SGCZ: variants seen among roughly 807,000 people sequenced by gnomAD.
SGCZ encodes zeta-sarcoglycan.
SGCZ carries 40 observed loss-of-function variants against 41.3 expected under a neutral mutation model. The observed-to-expected ratio is 0.97, with a 90% CI of 0.75 to 1.26. The LOEUF (loss-of-function observed/expected upper bound fraction) is 1.26. Among genes scored for constraint, SGCZ ranks in the 50% most tolerant of loss-of-function variants. SGCZ has a pLI of 0.00. For synonymous variants in SGCZ, 206 were observed against 137.5 expected (o/e 1.50, Z -3.49); for missense variants, 552 against 369.8 (o/e 1.49, Z -4.04).
intron 7 of SGCZ, among the ~76,000 whole-genome samples, chr8:14,101,777 A>T (rs1270605037): frequency 2.9e-5 from 4 of 137,744 alleles, no homozygotes; most frequent in Non-Finnish European, 3.1e-5. Context: ...AACAAGAATT[A>T]AAAAAAAAAA....
At chr8:14,646,813 A>G (rs570064700) in intron 1 of SGCZ, among the ~76,000 whole-genome samples, 1 of 151,932 alleles carries the variant, frequency 6.6e-6, no homozygotes, top group South Asian at 2.1e-4. Context: ...TTTTTTTGGC[A>G]CCAATAATAC....
intron 2 of SGCZ, among the ~76,000 whole-genome samples, chr8:14,511,989 A>C (rs62498392): frequency 0.062 from 9,432 of 152,114 alleles, 402 homozygotes; most frequent in African/African-American, 0.12. Context: ...AGGATAAACA[A>C]AGCTATAAAA....
intron 2 of SGCZ, among the ~76,000 whole-genome samples, chr8:14,407,973 C>T (rs60904374): frequency 0.13 from 20,338 of 151,854 alleles, 2,949 homozygotes; most frequent in African/African-American, 0.36. Context: ...ATATATCATA[C>T]GGAGAGATAG....
chr8:15,109,772 CATT>C (rs918933510), intron 1 of SGCZ, among the ~76,000 whole-genome samples: 1 of 151,926 alleles, frequency 6.6e-6, no homozygotes, highest in African/African-American at 2.4e-5. Context: ...ACATGTTAGC[CATT>C]ATTATTATTG....
chr8:15,105,373 G>A (rs758211651), intron 1 of SGCZ, among the ~76,000 whole-genome samples: 1 of 152,192 alleles, frequency 6.6e-6, no homozygotes, highest in African/African-American at 2.4e-5. Context: ...ATGAAGAAAA[G>A]AGGTTTAATT....
chr8:15,115,046 T>G (rs1322810313), intron 1 of SGCZ, among the ~76,000 whole-genome samples: 1 of 152,134 alleles, frequency 6.6e-6, no homozygotes, highest in Non-Finnish European at 1.5e-5. Context: ...CTCTCAAATC[T>G]AAGAGTGTGG....
intron 2 of SGCZ, among the ~76,000 whole-genome samples, chr8:14,343,241 G>C (rs13251298): frequency 6.6e-6 from 1 of 152,012 alleles, no homozygotes; most frequent in Admixed American, 6.5e-5. Flanking sequence ...GGGAAATGTG[G>C]GGTCAGAGCC....
chr8:14,696,920 T>A (rs748657655), intron 1 of SGCZ, among the ~76,000 whole-genome samples: 6 of 151,176 alleles, frequency 4.0e-5, no homozygotes, highest in Non-Finnish European at 8.8e-5. Context: ...TTTTCCCAAG[T>A]GATGACAGTG....
At chr8:14,445,676 C>T (rs964603342) in intron 2 of SGCZ, among the ~76,000 whole-genome samples, 1 of 152,194 alleles carries the variant, frequency 6.6e-6, no homozygotes, top group African/African-American at 2.4e-5. Flanking sequence ...GACACATTGA[C>T]TGTGGGTACC....
rs186452571 is a variant in SGCZ, at chr8:14,624,041, T to G, written c.40-69115A>C. On this transcript the variant is annotated intron_variant, in intron 1 of 7. Coordinates refer to ENST00000382080, the MANE Select transcript of SGCZ (RefSeq NM_139167.4). ...TAGTTTCTAGCAGATAAAACACACT[T>G]TTATTTGCATTTTATTCAACATCTA... Among the ~76,000 whole-genome samples the G allele has an allele frequency of 3.8e-4, 58 of 152,290 alleles. 1 individual carries two copies. The highest frequency in any genetic ancestry group is 2.5e-3 in the East Asian group (13 of 5,186).
intron 1 of SGCZ, among the ~76,000 whole-genome samples, chr8:14,938,385 C>T (rs1052591126): frequency 1.3e-5 from 2 of 152,126 alleles, no homozygotes; most frequent in African/African-American, 4.8e-5. Flanking sequence ...TCCTCTTCCT[C>T]CTCCTGCTCA....
At chr8:14,346,621 CAAAAT>C (rs1471662671) in intron 2 of SGCZ, among the ~76,000 whole-genome samples, 2 of 151,540 alleles carry the variant, frequency 1.3e-5, no homozygotes, top group African/African-American at 2.4e-5. Flanking sequence ...TATCTTATCA[CAAAAT>C]AAAATATCAC....
At chr8:14,164,318 G>T (rs540237207) in intron 5 of SGCZ, among the ~76,000 whole-genome samples, 1 of 151,618 alleles carries the variant, frequency 6.6e-6, no homozygotes, top group East Asian at 1.9e-4. Context: ...TCTCCACCCC[G>T]CCCAGCCACA....
chr8:15,088,239 C>A (rs562680819), intron 1 of SGCZ, among the ~76,000 whole-genome samples: 1 of 152,146 alleles, frequency 6.6e-6, no homozygotes, highest in Non-Finnish European at 1.5e-5. Flanking sequence ...CATTTACACA[C>A]GCAGTAAGCG....
At chr8:14,781,047 T>G (rs182594388) in intron 1 of SGCZ, among the ~76,000 whole-genome samples, 1 of 152,188 alleles carries the variant, frequency 6.6e-6, no homozygotes, top group Non-Finnish European at 1.5e-5. Flanking sequence ...AAATATTTAG[T>G]ATGGAATTAA....
chr8:14,672,863 T>TAA (rs1467905051), intron 1 of SGCZ, among the ~76,000 whole-genome samples: 2 of 152,190 alleles, frequency 1.3e-5, no homozygotes, highest in Non-Finnish European at 2.9e-5. Context: ...CTTTTTCTTA[T>TAA]AAAGGGGTCA....
At chr8:14,988,647 C>G (rs1367732688) in intron 1 of SGCZ, among the ~76,000 whole-genome samples, 1 of 151,842 alleles carries the variant, frequency 6.6e-6, no homozygotes, top group African/African-American at 2.4e-5. Context: ...TAAAAAAAAA[C>G]TGTTATTCTA....
rs1802198828 is a variant in SGCZ, at chr8:15,238,051, C to G, written c.-428G>C. 1 of 163,978 alleles carries G rather than the reference C, an allele frequency of 6.1e-6. No homozygotes were observed. Among genetic ancestry groups the G allele is most frequent in the Non-Finnish European group, 1.3e-5 (1 of 74,770 alleles). The allele number at this position is 163,978 out of a possible 1,614,324, so 10.2% of individuals were successfully genotyped here. On this transcript the variant is annotated 5_prime_UTR_variant, in exon 1 of 8. Transcript: ENST00000382080. ...CAAATTTCAAGCAAATGTGTTCAAA[C>G]TGAAGAGAAGAGTGTATGATAAAAG...
intron 2 of SGCZ, among the ~76,000 whole-genome samples, chr8:14,382,569 T>G (rs1804407863): frequency 2.6e-5 from 4 of 152,020 alleles, no homozygotes; most frequent in Admixed American, 1.3e-4. Context: ...ACCCTTAAAG[T>G]GATGAAAAAT....
Sources: allele counts gnomAD v4.1 joint callset (sites outside exome capture counted in the v4.1 genomes callset), GRCh38; gene constraint gnomAD v4.1.1; transcripts MANE v1.5; gene names NCBI Gene and HGNC (gene_info 2026-07-23, HGNC 2026-07-21).